The following LYSMD4 variants were observed in gnomAD, a reference collection of about 807,000 sequenced individuals.
LYSMD4 encodes the protein lysM and putative peptidoglycan-binding domain-containing protein 4.
LYSMD4 carries 9 observed loss-of-function variants against 6.1 expected under a neutral mutation model. The observed-to-expected ratio is 1.47, with a 90% CI of 0.88 to 2.56. The LOEUF is 2.56. LYSMD4 is among the 30% of genes most tolerant of loss of function. LYSMD4 has a pLI of 0.00. For missense variants in LYSMD4, 384 were observed against 373.5 expected, an observed-to-expected ratio of 1.03 and a Z score of -0.23; for synonymous variants, 143 against 148.5, an observed-to-expected ratio of 0.96 and a Z score of 0.27.
upstream of LYSMD4, among the ~76,000 whole-genome samples, chr15:99,721,874 T>A (rs1297476989): frequency 6.6e-6 from 1 of 152,012 alleles, no homozygotes; most frequent in Admixed American, 6.6e-5. Context: ...AACTGATGAG[T>A]GCCCCAGCTC....
At position 99,729,687 on chromosome 15, in the gene LYSMD4, G is replaced by A; in HGVS notation, c.327C>T (p.Asp109=). 6.2e-7 allele frequency: 1 copy of A among 1,613,404 alleles called. No homozygotes were observed. The highest frequency in any genetic ancestry group is 8.5e-7 in the Non-Finnish European group (1 of 1,179,942). The part of the protein sequence containing the change: ...KKVNNFIREQ[D]LYALKSVKIP... ...TCTTAACAGATTTCAAAGCATATAA[G>A]TCTTGTTCTCTGATGAAGTTGTTGA... Residue 109 remains aspartate, a synonymous_variant, in exon 3 of 3, where the codon GAC becomes GAT. Coordinates refer to ENST00000684762, the MANE Select transcript of LYSMD4 (RefSeq NM_001284417.2).
intron 1 of LYSMD4, chr15:99,733,073 G>A (rs2059459741): frequency 2.9e-6 from 1 of 345,852 alleles, no homozygotes; most frequent in Non-Finnish European, 5.2e-6. Context: ...CAGGAAAATG[G>A]GGAGCGGCCC....
chr15:99,716,712 G>T (rs750605611), exon 1 of LYSMD4: 33 of 456,610 alleles, frequency 7.2e-5, no homozygotes, highest in South Asian at 1.5e-4. Flanking sequence ...CAGCCCTGGA[G>T]CCCATAGGAA....
Position 99,732,098 on chromosome 15 carries a change from T to C in LYSMD4, c.-8-91A>G, listed in dbSNP as rs1356922013. ...AGAGAAGTGTCTTGTTAGAGAGTAT[T>C]CCTTTTCCTAATCGCTGCAAATACT... On this transcript the variant is annotated intron_variant, in intron 1 of 2. Coordinates refer to ENST00000684762, the MANE Select transcript of LYSMD4 (RefSeq NM_001284417.2). 6 of 1,345,992 alleles carry C rather than the reference T, an allele frequency of 4.5e-6. No individual in the cohort carries two copies. In the African/African-American group the frequency reaches 5.9e-5, roughly 13 times the overall value. The allele number at this position is 1,345,992 out of a possible 1,614,324, so 83.4% of individuals were successfully genotyped here.
At position 99,731,827 on chromosome 15, in the gene LYSMD4, C is replaced by T; in HGVS notation, c.173G>A (p.Ser58Asn). 1 of 1,612,942 alleles carries T rather than the reference C, an allele frequency of 6.2e-7. No individual in the cohort carries two copies. Among genetic ancestry groups the T allele is most frequent in the Non-Finnish European group, 8.5e-7 (1 of 1,180,036 alleles). ...LRPRGKERHK[S>N]GVHQPPQAGA... ...CGCCTGGGGAGGCTGGTGGACACCGCTCTTGTGGCGCTCCTTGCCCCGGGG... is the reference window on the plus strand; with the variant it reads ...CGCCTGGGGAGGCTGGTGGACACCGTTCTTGTGGCGCTCCTTGCCCCGGGG... Residue 58 changes from serine (S) to asparagine (N), a missense_variant, in exon 2 of 3, where the codon AGC becomes AAC. Transcript: ENST00000684762.
chr15:99,731,898 G>A lies in LYSMD4; in HGVS notation c.102C>T (p.Asp34=). The A allele has an allele frequency of 6.2e-7, 1 of 1,613,550 alleles. No individual in the cohort carries two copies. The highest frequency in any genetic ancestry group is 1.1e-5 in the South Asian group (1 of 91,066). Residue 34 remains aspartate, a synonymous_variant, in exon 2 of 3, where the codon GAC becomes GAT. Transcript: ENST00000684762. ...HVYMFKNGSG[D]SGDSSEEESH... ...ACTCTTCTTCAGAAGAGTCCCCCGA[G>A]TCCCCACTGCCATTCTTAAACATGT... is the stretch of plus-strand genomic sequence containing the variant.
rs2059330822 is a variant in LYSMD4 at position 99,728,792 on chromosome 15, G to A, written c.*331C>T. 6.1e-6 allele frequency: 2 copies of A among 325,362 alleles called. No homozygotes were observed. The highest frequency in any genetic ancestry group is 6.0e-5 in the East Asian group (1 of 16,676). The allele number at this position is 325,362 out of a possible 1,614,324, so 20.2% of individuals were successfully genotyped here. On this transcript the variant is annotated 3_prime_UTR_variant, in exon 3 of 3. Transcript: ENST00000684762. ...TCACGCTGCAGGTCCCTCGACAGAGGCCATAAATCTTTCCCTCCGAGCACG... is the reference window on the plus strand; with the variant it reads ...TCACGCTGCAGGTCCCTCGACAGAGACCATAAATCTTTCCCTCCGAGCACG...
intron 2 of LYSMD4, chr15:99,731,257 T>G: frequency 6.2e-7 from 1 of 1,603,804 alleles, no homozygotes; most frequent in Admixed American, 1.7e-5. Context: ...CAAAAGACCA[T>G]GCAGTTCTAA....
upstream of LYSMD4, among the ~76,000 whole-genome samples, chr15:99,722,188 T>C (rs994129280): frequency 6.6e-6 from 1 of 152,222 alleles, no homozygotes; most frequent in African/African-American, 2.4e-5. Flanking sequence ...GAGGTGATTA[T>C]TACCTAGTTT....
chr15:99,725,451 G>A (rs60862265), downstream of LYSMD4, among the ~76,000 whole-genome samples: 2,451 of 152,212 alleles, frequency 0.016, 66 homozygotes, highest in African/African-American at 0.054. Flanking sequence ...CCACGATCGC[G>A]ATGGCCCCCT....
downstream of LYSMD4, among the ~76,000 whole-genome samples, chr15:99,723,092 C>T (rs931041250): frequency 3.3e-5 from 5 of 151,430 alleles, no homozygotes; most frequent in Non-Finnish European, 7.4e-5. Flanking sequence ...TAGACAGATA[C>T]TACAGAGGAA....
chr15:99,716,992 A>T, exon 1 of LYSMD4: 1 of 282,924 alleles, frequency 3.5e-6, no homozygotes, highest in Non-Finnish European at 7.1e-6. Context: ...GAGTTTTCAG[A>T]GTGTTAGGTG....
chr15:99,733,031 G>T, intron 1 of LYSMD4: 3 of 275,740 alleles, frequency 1.1e-5, no homozygotes, highest in Non-Finnish European at 2.0e-5. Context: ...AGTCCCTTCT[G>T]CGAAAAGATG....
At chr15:99,719,301 T>C (rs1361430089), upstream of LYSMD4, among the ~76,000 whole-genome samples, 1 of 152,262 alleles carries the variant, frequency 6.6e-6, no homozygotes, top group African/African-American at 2.4e-5. Context: ...TTTATTTCAC[T>C]TTCGGCACCC....
Position 99,727,888 on chromosome 15 carries a change from C to G in LYSMD4, c.*1235G>C, listed in dbSNP as rs573348462. 1 of 152,708 alleles carries G rather than the reference C, an allele frequency of 6.5e-6. No homozygotes were observed. Among genetic ancestry groups the G allele is most frequent in the Admixed American group, 6.5e-5 (1 of 15,316 alleles). 9.5% of individuals were successfully genotyped at this position (152,708 alleles called of 1,614,324 possible). A position where few individuals can be genotyped will look rare whatever the true frequency, so the allele number is the denominator to read the frequency against. On this transcript the variant is annotated 3_prime_UTR_variant, in exon 3 of 3. Transcript: ENST00000684762. ...AGGCCGGGCCAGCAGCCATCTCAGC[C>G]CCTCCCACCCCTCCATGCCACAGGG...
chr15:99,721,429 T>G (rs1033193632), upstream of LYSMD4, among the ~76,000 whole-genome samples: 2 of 152,186 alleles, frequency 1.3e-5, no homozygotes, highest in African/African-American at 4.8e-5. Flanking sequence ...TCAGCTGAGC[T>G]AAGACTCTCA....
At chr15:99,722,622 G>A (rs556661827), downstream of LYSMD4, among the ~76,000 whole-genome samples, 6 of 152,290 alleles carry the variant, frequency 3.9e-5, no homozygotes, top group East Asian at 1.2e-3. Context: ...AGCAGATAAG[G>A]ATGTGAAACA....
chr15:99,732,372 C>G (rs1419013773), intron 1 of LYSMD4, among the ~76,000 whole-genome samples: 2 of 152,196 alleles, frequency 1.3e-5, no homozygotes, highest in Admixed American at 6.5e-5. Context: ...CCAGCCTCCG[C>G]GCACTCAGAA....
chr15:99,731,763 G>C lies in LYSMD4; in HGVS notation c.237C>G (p.Ala79=). The part of the protein sequence containing the change: ...GDVVLLQREL[A]QEDSLNKLAL... ...CCAGCTTGTTGAGGCTGTCCTCCTG[G>C]GCCAGCTCCCGCTGCAGCAGCACCA... The change falls in exon 2 of 3, where the codon GCC becomes GCG. Residue 79 remains alanine (A), a synonymous_variant. Coordinates refer to ENST00000684762, the MANE Select transcript of LYSMD4 (RefSeq NM_001284417.2). 6.2e-7 allele frequency: 1 copy of C among 1,609,146 alleles called. No individual in the cohort carries two copies. Among genetic ancestry groups the C allele is most frequent in the Non-Finnish European group, 8.5e-7 (1 of 1,178,268 alleles).
Sources: gnomAD v4.1 joint callset for allele counts (sites outside exome capture counted in the v4.1 genomes callset) on GRCh38, gnomAD v4.1.1 for gene constraint, MANE v1.5 for transcripts, NCBI Gene and HGNC (gene_info 2026-07-23, HGNC 2026-07-21) for gene names.